The following PHYHIPL variants were observed in gnomAD, a reference collection of about 807,000 sequenced individuals.
PHYHIPL encodes the protein phytanoyl-CoA hydroxylase-interacting protein-like.
In PHYHIPL, 9 loss-of-function variants were observed where a neutral mutation model predicts 33.4. The ratio of observed to expected loss-of-function variants is 0.27; its 90% CI spans 0.16 to 0.47. The LOEUF (loss-of-function observed/expected upper bound fraction) is 0.47. Among genes scored for constraint, PHYHIPL ranks in the 20% least tolerant of loss-of-function variants. The pLI, the probability that PHYHIPL is intolerant of heterozygous loss-of-function variation, is 0.99. For missense variants in PHYHIPL, 365 were observed against 460.7 expected, an observed-to-expected ratio of 0.79 and a Z score of 1.90; for synonymous variants, 153 against 154.1, an observed-to-expected ratio of 0.99 and a Z score of 0.05.
At chr10:59,217,980 T>C (rs1839663764) in intron 1 of PHYHIPL, among the ~76,000 whole-genome samples, 1 of 152,084 alleles carries the variant, frequency 6.6e-6, no homozygotes, top group Admixed American at 6.6e-5. Flanking sequence ...CAGTTGACCG[T>C]CCAAAGAAAA....
chr10:59,224,456 GAAACA>G (rs57121387), intron 1 of PHYHIPL, among the ~76,000 whole-genome samples: 3,441 of 139,882 alleles, frequency 0.025, 144 homozygotes, highest in African/African-American at 0.087. Context: ...CTGTCTCAAG[GAAACA>G]AAACAAAACA....
intron 1 of PHYHIPL, among the ~76,000 whole-genome samples, chr10:59,208,737 C>G (rs1564709033): frequency 1.3e-5 from 2 of 151,826 alleles, no homozygotes; most frequent in Admixed American, 1.3e-4. Context: ...CAGAAATGAC[C>G]TGATGGATCT....
intron 1 of PHYHIPL, among the ~76,000 whole-genome samples, chr10:59,188,734 C>G (rs994994700): frequency 6.6e-6 from 1 of 151,960 alleles, no homozygotes; most frequent in African/African-American, 2.4e-5. Flanking sequence ...CCTTCTTTGT[C>G]TCTTTTGATC....
intron 1 of PHYHIPL, among the ~76,000 whole-genome samples, chr10:59,209,144 A>G (rs1839372465): frequency 6.6e-6 from 1 of 152,146 alleles, no homozygotes; most frequent in Non-Finnish European, 1.5e-5. Flanking sequence ...ACCAAAGTTG[A>G]AATGAAGGAA....
At chr10:59,222,270 C>T (rs535203627) in intron 1 of PHYHIPL, among the ~76,000 whole-genome samples, 1 of 151,902 alleles carries the variant, frequency 6.6e-6, no homozygotes, top group African/African-American at 2.4e-5. Flanking sequence ...CTTTTTTAAC[C>T]ATCTTTATTA....
At chr10:59,217,002 A>T (rs1411204300) in intron 1 of PHYHIPL, among the ~76,000 whole-genome samples, 2 of 152,056 alleles carry the variant, frequency 1.3e-5, no homozygotes, top group Non-Finnish European at 2.9e-5. Flanking sequence ...AATAGTTTGT[A>T]ATACTTTACT....
chr10:59,215,450 T>A (rs963436816), intron 1 of PHYHIPL, among the ~76,000 whole-genome samples: 9 of 152,066 alleles, frequency 5.9e-5, no homozygotes, highest in African/African-American at 2.2e-4. Context: ...AATGTCCTAT[T>A]TCTGAAGTCA....
chr10:59,241,774 C>T (rs893060336), intron 4 of PHYHIPL, among the ~76,000 whole-genome samples: 9 of 152,078 alleles, frequency 5.9e-5, no homozygotes, highest in African/African-American at 2.2e-4. Flanking sequence ...ATTTCGCCCA[C>T]ATCTATCTAT....
intron 1 of PHYHIPL, among the ~76,000 whole-genome samples, chr10:59,179,290 C>T (rs1838336821): frequency 6.6e-6 from 1 of 152,146 alleles, no homozygotes; most frequent in Admixed American, 6.5e-5. Flanking sequence ...TCCCTCCTTT[C>T]ACTTTCTTTC....
chr10:59,193,286 T>TC (rs1463624588), intron 1 of PHYHIPL, among the ~76,000 whole-genome samples: 1 of 152,182 alleles, frequency 6.6e-6, no homozygotes, highest in African/African-American at 2.4e-5. Context: ...GATAGATTTC[T>TC]CCCCCTTATT....
At chr10:59,202,067 G>A (rs974953279) in intron 1 of PHYHIPL, among the ~76,000 whole-genome samples, 4 of 152,144 alleles carry the variant, frequency 2.6e-5, no homozygotes, top group African/African-American at 9.7e-5. Context: ...GGCAGTAATA[G>A]ACCAGGTATA....
chr10:59,180,106 A>G (rs1838361449), intron 1 of PHYHIPL, among the ~76,000 whole-genome samples: 1 of 151,630 alleles, frequency 6.6e-6, no homozygotes, highest in Non-Finnish European at 1.5e-5. Context: ...ATGAAAGAGA[A>G]AATTTCTTGT....
intron 1 of PHYHIPL, among the ~76,000 whole-genome samples, chr10:59,203,685 C>A (rs1839196728): frequency 6.8e-6 from 1 of 148,138 alleles, no homozygotes; most frequent in African/African-American, 2.5e-5. Context: ...CCAAACACCA[C>A]ATGTTCTCAC....
At chr10:59,235,513 T>C (rs1294753752) in intron 2 of PHYHIPL, among the ~76,000 whole-genome samples, 1 of 151,882 alleles carries the variant, frequency 6.6e-6, no homozygotes, top group Non-Finnish European at 1.5e-5. Flanking sequence ...AGATGTGCGA[T>C]TATACATACT....
Position 59,246,376 on chromosome 10 carries a change from C to T in PHYHIPL, c.*785C>T, listed in dbSNP as rs1030321105. ...AAAGTTATAAAATATTAGGTAAATA[C>T]AGAGAAAACAATAAGCCTCTGAAAT... On this transcript the variant is annotated 3_prime_UTR_variant, in exon 5 of 5. Coordinates refer to ENST00000373880, the MANE Select transcript of PHYHIPL (RefSeq NM_032439.4). 1 of 286,330 alleles carries T rather than the reference C, an allele frequency of 3.5e-6. No homozygotes were observed. Among genetic ancestry groups the T allele is most frequent in the African/African-American group, 2.2e-5 (1 of 46,224 alleles). The allele number at this position is 286,330 out of a possible 1,614,324, so 17.7% of individuals were successfully genotyped here. A position where few individuals can be genotyped will look rare whatever the true frequency, so the allele number is the denominator to read the frequency against.
At chr10:59,208,553 A>G (rs749491801) in intron 1 of PHYHIPL, among the ~76,000 whole-genome samples, 7 of 152,142 alleles carry the variant, frequency 4.6e-5, no homozygotes, top group African/African-American at 7.2e-5. Flanking sequence ...CAGCAAGGGA[A>G]CAAAACTGGA....
At chr10:59,215,035 TG>T (rs1293848401) in intron 1 of PHYHIPL, among the ~76,000 whole-genome samples, 1 of 152,064 alleles carries the variant, frequency 6.6e-6, no homozygotes, top group Non-Finnish European at 1.5e-5. Context: ...TACACTCCTT[TG>T]CCTTTTTAAA....
intron 1 of PHYHIPL, among the ~76,000 whole-genome samples, chr10:59,211,802 A>G (rs1839455379): frequency 6.6e-6 from 1 of 151,888 alleles, no homozygotes; most frequent in South Asian, 2.1e-4. Flanking sequence ...TTTGTTTATA[A>G]TTTGGCTTTA....
At chr10:59,203,525 C>T (rs2133223128) in intron 1 of PHYHIPL, among the ~76,000 whole-genome samples, 1 of 152,162 alleles carries the variant, frequency 6.6e-6, no homozygotes, top group South Asian at 2.1e-4. Flanking sequence ...CCCAAATGTC[C>T]ATCAATGATA....
Sources: gnomAD v4.1 joint callset for allele counts (sites outside exome capture counted in the v4.1 genomes callset) on GRCh38, gnomAD v4.1.1 for gene constraint, MANE v1.5 for transcripts, NCBI Gene and HGNC (gene_info 2026-07-23, HGNC 2026-07-21) for gene names.